DENND5B: variants seen among roughly 807,000 people sequenced by gnomAD.
DENND5B encodes DENN domain-containing protein 5B.
In DENND5B, 34 loss-of-function variants were observed where a neutral mutation model predicts 140.6. The ratio of observed to expected loss-of-function variants is 0.24; its 90% CI spans 0.18 to 0.32. The LOEUF is 0.32. Among genes scored for constraint, DENND5B ranks in the 10% least tolerant of loss-of-function variants. The probability of loss-of-function intolerance (pLI) is 1.00; values close to 1 mark genes in which losing one functional copy is unlikely to be tolerated. For synonymous variants in DENND5B, 551 were observed against 562.1 expected, an observed-to-expected ratio of 0.98 and a Z score of 0.28; for missense variants, 1,142 against 1,560.2, an observed-to-expected ratio of 0.73 and a Z score of 4.52.
Position 31,460,314 on chromosome 12 carries a change from A to G in DENND5B, c.972T>C (p.His324=), listed in dbSNP as rs775285895. The G allele has an allele frequency of 1.2e-6, 2 of 1,613,972 alleles. No individual in the cohort carries two copies. The highest frequency in any genetic ancestry group is 1.1e-5 in the South Asian group (1 of 91,074). Reference sequence around the variant, plus strand: ...AAGCAGGTAGAATGGGCACATAAACATGTTGCCATTGAAATGGGAACAAAA... The same window carrying G: ...AAGCAGGTAGAATGGGCACATAAACGTGTTGCCATTGAAATGGGAACAAAA... ...TTLLFPFQWQ[H]VYVPILPASL... The change falls in exon 4 of 21, where the codon CAT becomes CAC. Residue 324 remains histidine, a synonymous_variant. Transcript: ENST00000389082.
At chr12:31,502,782 A>G (rs1225642185) in intron 1 of DENND5B, among the ~76,000 whole-genome samples, 1 of 152,236 alleles carries the variant, frequency 6.6e-6, no homozygotes, top group African/African-American at 2.4e-5. Flanking sequence ...CAAGGTTTAC[A>G]GAAACCTTTC....
chr12:31,452,493 A>G lies in DENND5B; in HGVS notation c.1093-17T>C. The G allele has an allele frequency of 6.4e-7, 1 of 1,573,628 alleles. No individual in the cohort carries two copies. Among genetic ancestry groups the G allele is most frequent in the Non-Finnish European group, 8.6e-7 (1 of 1,163,704 alleles). On this transcript the variant is annotated splice_polypyrimidine_tract_variant and intron_variant, in intron 4 of 20. Coordinates refer to ENST00000389082, the MANE Select transcript of DENND5B (RefSeq NM_144973.4). The stretch of plus-strand genomic sequence containing the variant: ...CAAATTAGCCTGAAAGAGAAAAATG[A>G]AATACAAAGGTTTAAAATAAAGGAA...
intron 1 of DENND5B, among the ~76,000 whole-genome samples, chr12:31,577,925 G>C (rs1025742451): frequency 2.6e-5 from 4 of 151,332 alleles, no homozygotes; most frequent in African/African-American, 7.3e-5. Context: ...TGGAGTTCGA[G>C]ACCAGCTTCG....
chr12:31,522,718 G>A (rs1415469429), intron 1 of DENND5B, among the ~76,000 whole-genome samples: 3 of 152,156 alleles, frequency 2.0e-5, no homozygotes, highest in African/African-American at 7.2e-5. Context: ...GGGACTACAG[G>A]TGAGCGACTG....
chr12:31,511,538 T>C (rs1453692162), intron 1 of DENND5B, among the ~76,000 whole-genome samples: 1 of 38,030 alleles, frequency 2.6e-5, no homozygotes, highest in Non-Finnish European at 4.9e-5. Context: ...ATATGATGTC[T>C]TTTTTTTTTT....
intron 1 of DENND5B, among the ~76,000 whole-genome samples, chr12:31,506,675 T>C (rs1947216921): frequency 6.6e-6 from 1 of 152,208 alleles, no homozygotes; most frequent in Admixed American, 6.5e-5. Context: ...TCAGGTACAC[T>C]AAATTCACTA....
In DENND5B at chr12:31,433,143, T is replaced by C. The variant is rs762400935; in HGVS notation, c.2106+12A>G. 9 of 1,613,578 alleles carry C rather than the reference T, an allele frequency of 5.6e-6. No homozygotes were observed. Among genetic ancestry groups the C allele is most frequent in the East Asian group, 2.2e-5 (1 of 44,864 alleles). ...CTTGCTGTGAGGCACCCCAGGAAGGTAGACCACATACCTCCCTCAAGTCGT... is the reference window on the plus strand; with the variant it reads ...CTTGCTGTGAGGCACCCCAGGAAGGCAGACCACATACCTCCCTCAAGTCGT... On this transcript the variant is annotated intron_variant, in intron 8 of 20. Coordinates refer to ENST00000389082, the MANE Select transcript of DENND5B (RefSeq NM_144973.4).
At chr12:31,540,430 G>A (rs1309743446) in intron 1 of DENND5B, among the ~76,000 whole-genome samples, 2 of 152,196 alleles carry the variant, frequency 1.3e-5, no homozygotes, top group Non-Finnish European at 2.9e-5. Flanking sequence ...AAGGTGGGCA[G>A]ATCACTTGAG....
chr12:31,579,521 C>T (rs1368498266), intron 1 of DENND5B, among the ~76,000 whole-genome samples: 1 of 151,994 alleles, frequency 6.6e-6, no homozygotes, highest in Non-Finnish European at 1.5e-5. Context: ...ATGAGCCAGG[C>T]TTGGTGGCGA....
At chr12:31,399,852 T>C (rs1941703931) in intron 15 of DENND5B, 80 bp from the exon 16 acceptor site, 1 of 1,056,864 alleles carries the variant, frequency 9.5e-7, no homozygotes, top group Non-Finnish European at 1.4e-6. Flanking sequence ...TTTGGTTCCG[T>C]CTAATTTAAC....
intron 3 of DENND5B, 119 bp from the exon 4 acceptor site, chr12:31,460,500 T>C (rs950685689): frequency 7.8e-6 from 7 of 896,664 alleles, no homozygotes; most frequent in Non-Finnish European, 1.2e-5. Flanking sequence ...AATATTTCTT[T>C]ATGATCATAC....
chr12:31,501,965 A>G (rs1352361249), intron 1 of DENND5B, among the ~76,000 whole-genome samples: 1 of 152,092 alleles, frequency 6.6e-6, no homozygotes, highest in Non-Finnish European at 1.5e-5. Flanking sequence ...GCAAATATAA[A>G]AACAACTTTA....
At chr12:31,440,739 A>G (rs1943994348) in intron 7 of DENND5B, among the ~76,000 whole-genome samples, 1 of 152,130 alleles carries the variant, frequency 6.6e-6, no homozygotes, top group African/African-American at 2.4e-5. Flanking sequence ...ATCATGGCTC[A>G]CTGCAGCCTA....
In DENND5B at chr12:31,413,523, C is replaced by T; in HGVS notation, c.2594G>A (p.Arg865Gln). Residue 865 changes from arginine (R) to glutamine (Q), a missense_variant, in exon 13 of 21, where the codon CGA (arginine) becomes CAA (glutamine). By Grantham distance (43) the Arg-to-Gln change is conservative (BLOSUM62 1). Around this residue, in one of 5 missense-constraint regions of DENND5B, gnomAD observed 268 missense variants for 349.2 expected, o/e 0.77. Coordinates refer to ENST00000389082, the MANE Select transcript of DENND5B (RefSeq NM_144973.4). ...NMSEIKTDVG[R>Q]ARAWIRLSLE... is the part of the protein sequence containing the mutation. ...AGACAGTCTTATCCACGCCCGAGCT[C>T]GTCCAACATCAGTCTTGATCTCACT... The T allele has an allele frequency of 3.1e-6, 5 of 1,613,794 alleles. No individual in the cohort carries two copies. Among genetic ancestry groups the T allele is most frequent in the Non-Finnish European group, 4.2e-6 (5 of 1,179,760 alleles).
chr12:31,508,974 A>G (rs1447126914), intron 1 of DENND5B, among the ~76,000 whole-genome samples: 1 of 152,144 alleles, frequency 6.6e-6, no homozygotes, highest in African/African-American at 2.4e-5. Flanking sequence ...AGCCATTTTA[A>G]CCACTTTTTG....
chr12:31,477,635 A>AGCGTG (rs2138512635), intron 3 of DENND5B: 1 of 159,842 alleles, frequency 6.3e-6, no homozygotes, highest in East Asian at 1.9e-4. Flanking sequence ...TTCCATATAA[A>AGCGTG]GCGTTTCAGC....
intron 7 of DENND5B, among the ~76,000 whole-genome samples, 183 bp downstream of exon 7, chr12:31,442,592 A>G (rs1162364563): frequency 6.6e-6 from 1 of 151,444 alleles, no homozygotes; most frequent in African/African-American, 2.4e-5. Flanking sequence ...TTTTTTTTAA[A>G]TGATGGATTT....
chr12:31,389,544 C>A (rs748423813), intron 19 of DENND5B, 46 bp from the exon 20 acceptor site: 1 of 1,505,936 alleles, frequency 6.6e-7, no homozygotes, highest in South Asian at 1.2e-5. Flanking sequence ...GTCAACACTT[C>A]ATATATAGAA....
intron 1 of DENND5B, among the ~76,000 whole-genome samples, chr12:31,506,838 C>T (rs556695272): frequency 3.2e-4 from 49 of 152,302 alleles, no homozygotes; most frequent in African/African-American, 9.6e-4. Flanking sequence ...GGAAAAAGGG[C>T]ATGTCACCTA....
Sources: gnomAD v4.1 joint callset for allele counts (sites outside exome capture counted in the v4.1 genomes callset) on GRCh38, gnomAD v4.1.1 for gene constraint, gnomAD v4.1.1 regional missense constraint, MANE v1.5 for transcripts, NCBI Gene and HGNC (gene_info 2026-07-23, HGNC 2026-07-21) for gene names.